Variants in ZNF496 observed in about 807,000 individuals in gnomAD.
ZNF496 encodes zinc finger protein 496.
ZNF496 carries 11 observed loss-of-function variants against 58.9 expected under a neutral mutation model. That is an observed-to-expected ratio of 0.19 (90% CI 0.12 to 0.31). The LOEUF (loss-of-function observed/expected upper bound fraction) is 0.31, where lower values mean the gene tolerates loss of function less well. Among genes scored for constraint, ZNF496 ranks in the 10% least tolerant of loss-of-function variants. The pLI, the probability that ZNF496 is intolerant of heterozygous loss-of-function variation, is 1.00. For missense variants in ZNF496, 660 were observed against 783.0 expected (o/e 0.84, Z 1.88); for synonymous variants, 338 against 318.2 (o/e 1.06, Z -0.66).
intron 6 of ZNF496, chr1:247,312,435 T>C (rs1659629598): frequency 1.3e-5 from 2 of 152,178 alleles, no homozygotes; most frequent in South Asian, 4.1e-4. Flanking sequence ...TCTCCTCTTT[T>C]CTTTTGGAGC....
Position 247,300,447 on chromosome 1 carries a change from G to C in ZNF496, c.*72C>G. 6.7e-7 allele frequency: 1 copy of C among 1,489,542 alleles called. No homozygotes were observed. The allele number at this position is 1,489,542 out of a possible 1,614,324, so 92.3% of individuals were successfully genotyped here. A position where few individuals can be genotyped will look rare whatever the true frequency, so the allele number is the denominator to read the frequency against. On this transcript the variant is annotated 3_prime_UTR_variant, in exon 10 of 10. Transcript: ENST00000682384. The surrounding 1 kb of genome is among the most constrained non-coding windows in gnomAD (Gnocchi z 5.7). Reference sequence around the variant, plus strand: ...CTATCCTGGGGAAGGTATGTCCTGGGTGGGGGCGCTGATCAGTACCAAGGT... The same window carrying C: ...CTATCCTGGGGAAGGTATGTCCTGGCTGGGGGCGCTGATCAGTACCAAGGT...
chr1:247,325,352 T>C (rs1389624485), intron 5 of ZNF496, among the ~76,000 whole-genome samples: 1 of 152,240 alleles, frequency 6.6e-6, no homozygotes, highest in Non-Finnish European at 1.5e-5. Context: ...TCTATCTTCA[T>C]CTTTATTTAA....
In ZNF496 at chr1:247,300,801, C is replaced by T. The variant is rs772693911; in HGVS notation, c.1482G>A (p.Val494=). The T allele has an allele frequency of 6.2e-7, 1 of 1,602,158 alleles. No homozygotes were observed. The highest frequency in any genetic ancestry group is 8.5e-7 in the Non-Finnish European group (1 of 1,172,114). The change falls in exon 10 of 10, where the codon GTG becomes GTA. Residue 494 remains valine, a synonymous_variant. Coordinates refer to ENST00000682384, the MANE Select transcript of ZNF496 (RefSeq NM_032752.3). This position sits in a 1 kb window ranked among gnomAD's most constrained non-coding sequence, Gnocchi z 5.7. The part of the protein sequence containing the change: ...IHLQPDRLQP[V]EKREQAASED... ...CGGATGCCGCCTGCTCTCTCTTCTC[C>T]ACCGGCTGGAGTCTGTCCGGCTGCA...
Position 247,301,068 on chromosome 1 carries a change from G to C in ZNF496, c.1215C>G (p.Ser405=). 6.2e-7 allele frequency: 1 copy of C among 1,613,788 alleles called. No homozygotes were observed. The change falls in exon 10 of 10, where the codon TCC becomes TCG. Residue 405 remains serine, a synonymous_variant. Transcript: ENST00000682384. ...AGGEVQTSKK[S]YVCPNCGKIF... is the part of the protein sequence containing the mutation. ...TTTTCCCACAGTTCGGACACACGTA[G>C]GACTTCTTGGAGGTCTGCACCTCGC...
chr1:247,326,145 C>CATAT (rs71568611), intron 5 of ZNF496, among the ~76,000 whole-genome samples: 98 of 146,524 alleles, frequency 6.7e-4, no homozygotes, highest in Admixed American at 7.6e-4. Context: ...TATATACACA[C>CATAT]ATATATATAT....
Position 247,299,094 on chromosome 1 carries a change from T to C in ZNF496, c.*1425A>G, listed in dbSNP as rs928348621. 2 of 152,264 alleles carry C rather than the reference T, an allele frequency of 1.3e-5. No homozygotes were observed. The highest frequency in any genetic ancestry group is 2.1e-4 in the South Asian group (1 of 4,832). 9.4% of individuals were successfully genotyped at this position (152,264 alleles called of 1,614,324 possible). On this transcript the variant is annotated 3_prime_UTR_variant, in exon 10 of 10. Transcript: ENST00000682384. ...ACTCATCTGTAAATTAGGAATGATA[T>C]AGCATACCTCACGTTTATCTGGAGT...
chr1:247,307,978 C>T (rs1010886737), intron 9 of ZNF496: 4 of 985,322 alleles, frequency 4.1e-6, no homozygotes, highest in Non-Finnish European at 4.8e-6. Context: ...CAGAAACCTG[C>T]TCTTTAATCC....
At chr1:247,322,629 C>T (rs1659997291) in intron 6 of ZNF496, 25 of 1,010,466 alleles carry the variant, frequency 2.5e-5, no homozygotes, top group South Asian at 1.5e-4. Context: ...CTCCTCAGAG[C>T]ACCCGAGTAA....
chr1:247,328,557 C>T, intron 5 of ZNF496, 126 bp downstream of exon 5: 1 of 1,005,590 alleles, frequency 9.9e-7, no homozygotes, highest in African/African-American at 1.6e-5. Flanking sequence ...CAGCTCACAG[C>T]ACCTCGGGGA....
At chr1:247,320,952 A>G (rs1429108271) in intron 6 of ZNF496, among the ~76,000 whole-genome samples, 1 of 152,324 alleles carries the variant, frequency 6.6e-6, no homozygotes, top group Non-Finnish European at 1.5e-5. Context: ...AGGCAGGTGG[A>G]TCACGAGGTC....
intron 6 of ZNF496, 55 bp downstream of exon 6, chr1:247,323,099 G>A (rs1341014096): frequency 6.8e-7 from 1 of 1,471,090 alleles, no homozygotes; most frequent in East Asian, 2.3e-5. Context: ...AAGCTGCCCT[G>A]TAGCCTACAG....
chr1:247,301,590 C>G (rs970975046), intron 9 of ZNF496, among the ~76,000 whole-genome samples: 1 of 152,152 alleles, frequency 6.6e-6, no homozygotes, highest in South Asian at 2.1e-4. Context: ...CCCCCAAGCT[C>G]TAGGAGTCTG....
In ZNF496 at chr1:247,309,430, GTTAC is replaced by G; in HGVS notation, c.892+265_892+268del. 1 of 1,301,752 alleles carries G rather than the reference GTTAC, an allele frequency of 7.7e-7. No homozygotes were observed. Among genetic ancestry groups the G allele is most frequent in the Non-Finnish European group, 9.8e-7 (1 of 1,023,374 alleles). 80.6% of individuals were successfully genotyped at this position (1,301,752 alleles called of 1,614,324 possible). ...GCTGCATTGTCAGCACAAACCAGATGTTACTTACAGGCAGAGGAGAAAGACATTC... is the reference window on the plus strand; with the variant it reads ...GCTGCATTGTCAGCACAAACCAGATGTTACAGGCAGAGGAGAAAGACATTC... On this transcript the variant is annotated intron_variant, in intron 8 of 9. Transcript: ENST00000682384. This position sits in a 1 kb window ranked among gnomAD's most constrained non-coding sequence, Gnocchi z 4.3.
At chr1:247,325,266 G>T (rs1005030300) in intron 5 of ZNF496, among the ~76,000 whole-genome samples, 4 of 152,236 alleles carry the variant, frequency 2.6e-5, no homozygotes, top group Admixed American at 1.3e-4. Context: ...CACTGTGTCT[G>T]AAGGGGAAGC....
At chr1:247,304,354 G>A (rs915893700) in intron 9 of ZNF496, among the ~76,000 whole-genome samples, 1 of 148,346 alleles carries the variant, frequency 6.7e-6, no homozygotes, top group South Asian at 2.1e-4. Flanking sequence ...AAAATCCCAT[G>A]GAAATGACCT....
In ZNF496 at chr1:247,329,954, A is replaced by G. The variant is rs1660264490; in HGVS notation, c.-38+12T>C. On this transcript the variant is annotated intron_variant, in intron 3 of 9. Transcript: ENST00000682384. This position sits in a 1 kb window ranked among gnomAD's most constrained non-coding sequence, Gnocchi z 5.5. ...AGCGCCACATGCAGATGTAATCAAG[A>G]CGCTCTGGTACCTTGGGTGGCTGGG... 5.3e-6 allele frequency: 1 copy of G among 189,646 alleles called. No homozygotes were observed. The highest frequency in any genetic ancestry group is 1.6e-4 in the South Asian group (1 of 6,382). The allele number at this position is 189,646 out of a possible 1,614,324, so 11.7% of individuals were successfully genotyped here.
rs1301487156 is a variant in ZNF496, at chr1:247,308,455, C to T, written c.1006+20G>A. 6.2e-7 allele frequency: 1 copy of T among 1,607,304 alleles called. No individual in the cohort carries two copies. The highest frequency in any genetic ancestry group is 8.5e-7 in the Non-Finnish European group (1 of 1,173,956). Reference sequence around the variant, plus strand: ...ACAGACACACAGGGACAAACCCATACCTCCCTGACCCTTCTTTACCTGGGT... The same window carrying T: ...ACAGACACACAGGGACAAACCCATATCTCCCTGACCCTTCTTTACCTGGGT... On this transcript the variant is annotated intron_variant, in intron 9 of 9. Transcript: ENST00000682384. The surrounding 1 kb of genome is among the most constrained non-coding windows in gnomAD (Gnocchi z 4.5).
intron 9 of ZNF496, chr1:247,307,172 G>A: frequency 6.1e-6 from 6 of 985,468 alleles, no homozygotes; most frequent in Non-Finnish European, 7.2e-6. Context: ...TGGATATAGA[G>A]AAGCAGACCT....
At position 247,301,239 on chromosome 1, in the gene ZNF496, A is replaced by C; in HGVS notation, c.1044T>G (p.Asp348Glu). The part of the protein sequence containing the change: ...GNPRSLENSL[D>E]EEVTIEIVLS... ...GAACGATCTCGATGGTCACTTCTTC[A>C]TCCAGGCTGTTCTCTAGAGATCGCG... The change falls in exon 10 of 10, where the codon GAT (aspartate) becomes GAG (glutamate). Residue 348 changes from aspartate to glutamate, a missense_variant. By Grantham distance (45) the Asp-to-Glu change is conservative (BLOSUM62 2). Coordinates refer to ENST00000682384, the MANE Select transcript of ZNF496 (RefSeq NM_032752.3). 1 of 1,532,170 alleles carries C rather than the reference A, an allele frequency of 6.5e-7. No homozygotes were observed. Among genetic ancestry groups the C allele is most frequent in the African/African-American group, 1.4e-5 (1 of 72,258 alleles). 94.9% of individuals were successfully genotyped at this position (1,532,170 alleles called of 1,614,324 possible).
Sources: gnomAD v4.1 joint callset for allele counts (sites outside exome capture counted in the v4.1 genomes callset) on GRCh38, gnomAD v4.1.1 for gene constraint, Gnocchi (gnomAD v3.1) non-coding constraint, MANE v1.5 for transcripts, NCBI Gene and HGNC (gene_info 2026-07-23, HGNC 2026-07-21) for gene names.